The following SYT16 variants were observed in gnomAD, a reference collection of about 807,000 sequenced individuals.
SYT16 encodes synaptotagmin 16.
A neutral mutation model predicts 61.4 loss-of-function variants in SYT16; 42 were observed. The observed-to-expected ratio is 0.68, with a 90% CI of 0.53 to 0.89. The LOEUF (loss-of-function observed/expected upper bound fraction) is 0.89, where lower values mean the gene tolerates loss of function less well. SYT16 is among the 40% of genes least tolerant of loss of function. SYT16 has a pLI of 0.00. For synonymous variants in SYT16, 314 were observed against 302.3 expected (o/e 1.04, Z -0.40); for missense variants, 804 against 807.3 (o/e 1.00, Z 0.05).
intron 2 of SYT16, among the ~76,000 whole-genome samples, chr14:61,982,012 A>G (rs1211935635): frequency 5.3e-5 from 8 of 152,206 alleles, no homozygotes; most frequent in African/African-American, 1.9e-4. Context: ...CAAAAGCTGC[A>G]GAAGATTTCC....
chr14:61,916,846 G>A (rs1261912467), intron 1 of SYT16, among the ~76,000 whole-genome samples: 3 of 151,878 alleles, frequency 2.0e-5, no homozygotes, highest in African/African-American at 7.3e-5. Flanking sequence ...TGAGATATTT[G>A]TCTTTCTTTG....
chr14:61,915,704 C>A (rs943007477), intron 1 of SYT16, among the ~76,000 whole-genome samples: 4 of 152,176 alleles, frequency 2.6e-5, no homozygotes, highest in Non-Finnish European at 4.4e-5. Flanking sequence ...AAGTTCACTG[C>A]TGGGAAAATT....
At chr14:62,026,743 G>A (rs2054117772) in intron 3 of SYT16, among the ~76,000 whole-genome samples, 1 of 152,128 alleles carries the variant, frequency 6.6e-6, no homozygotes, top group Non-Finnish European at 1.5e-5. Flanking sequence ...CATGTAGAAG[G>A]TACTCAGAGA....
At chr14:61,845,392 A>G (rs781721953) in intron 1 of SYT16, among the ~76,000 whole-genome samples, 1 of 152,066 alleles carries the variant, frequency 6.6e-6, no homozygotes, top group Non-Finnish European at 1.5e-5. Flanking sequence ...TTGTCTGTTC[A>G]GGTTTTGGAT....
intron 1 of SYT16, among the ~76,000 whole-genome samples, chr14:61,896,864 A>C (rs1425052337): frequency 6.6e-6 from 1 of 152,234 alleles, no homozygotes; most frequent in Non-Finnish European, 1.5e-5. Context: ...AAACTCAAAA[A>C]GAAATGGTTA....
intron 3 of SYT16, among the ~76,000 whole-genome samples, chr14:62,057,114 G>A (rs371039428): frequency 3.9e-5 from 6 of 152,196 alleles, no homozygotes; most frequent in Non-Finnish European, 7.3e-5. Context: ...TTCTGGCCAT[G>A]GTGAAAGCTG....
At chr14:61,927,044 A>G (rs1426027356) in intron 1 of SYT16, among the ~76,000 whole-genome samples, 1 of 152,250 alleles carries the variant, frequency 6.6e-6, no homozygotes, top group Non-Finnish European at 1.5e-5. Context: ...AAAATCTGTT[A>G]CAACTCAGCA....
At chr14:61,909,187 G>A (rs905090587) in intron 1 of SYT16, among the ~76,000 whole-genome samples, 1 of 152,092 alleles carries the variant, frequency 6.6e-6, no homozygotes, top group African/African-American at 2.4e-5. Flanking sequence ...GGATTTTCAA[G>A]GTGCTTTGGA....
At chr14:61,849,537 A>G (rs2046547635) in intron 1 of SYT16, among the ~76,000 whole-genome samples, 1 of 152,164 alleles carries the variant, frequency 6.6e-6, no homozygotes, top group Non-Finnish European at 1.5e-5. Flanking sequence ...GGGCTCATCT[A>G]AATGCTCCAT....
chr14:61,989,618 G>A (rs190673525), intron 2 of SYT16, among the ~76,000 whole-genome samples: 1 of 152,260 alleles, frequency 6.6e-6, no homozygotes, highest in East Asian at 1.9e-4. Context: ...TTTCCATGGT[G>A]AGTTGCAAGA....
intron 7 of SYT16, among the ~76,000 whole-genome samples, chr14:62,093,734 G>A (rs367880552): frequency 6.6e-6 from 1 of 152,090 alleles, no homozygotes; most frequent in African/African-American, 2.4e-5. Context: ...AAAAAATTAC[G>A]ATTATCTCAA....
At chr14:61,855,580 C>G (rs2046748010) in intron 1 of SYT16, among the ~76,000 whole-genome samples, 1 of 152,122 alleles carries the variant, frequency 6.6e-6, no homozygotes, top group Admixed American at 6.5e-5. Flanking sequence ...TGTGGGTACT[C>G]AAAGTATGGT....
rs957576803 is a variant in SYT16, at chr14:62,006,196, G to A, written c.523+9654G>A. On this transcript the variant is annotated intron_variant, in intron 3 of 7. Transcript: ENST00000683842. ...AAACAGCTGTTTTTTGTTTTGTTTTGTTTTTGTTTTTGATTTTACTGATGG... is the reference window on the plus strand; with the variant it reads ...AAACAGCTGTTTTTTGTTTTGTTTTATTTTTGTTTTTGATTTTACTGATGG... Among the ~76,000 whole-genome samples the A allele has an allele frequency of 1.2e-4, 19 of 152,010 alleles. No homozygotes were observed. The East Asian group carries it at 3.5e-3, about 28-fold the overall frequency.
chr14:61,817,071 TG>T (rs1320082498), intron 1 of SYT16, among the ~76,000 whole-genome samples: 1 of 147,136 alleles, frequency 6.8e-6, no homozygotes, highest in Non-Finnish European at 1.5e-5. Context: ...AATTGGAAAA[TG>T]GGGGGAAAAC....
At chr14:62,086,855 A>T (rs1334447707) in intron 7 of SYT16, among the ~76,000 whole-genome samples, 1 of 152,224 alleles carries the variant, frequency 6.6e-6, no homozygotes, top group Non-Finnish European at 1.5e-5. Context: ...TATCTTTGCA[A>T]CCCATGGAAT....
chr14:62,008,210 CA>C (rs2053302884), intron 3 of SYT16, among the ~76,000 whole-genome samples: 1 of 151,896 alleles, frequency 6.6e-6, no homozygotes, highest in Admixed American at 6.6e-5. Flanking sequence ...ACCCTCTTCC[CA>C]TATCTGCCCC....
At chr14:61,864,393 A>C (rs1487016899) in intron 1 of SYT16, among the ~76,000 whole-genome samples, 1 of 152,242 alleles carries the variant, frequency 6.6e-6, no homozygotes, top group East Asian at 1.9e-4. Context: ...TCTGCGCTCT[A>C]GCCGGCAGTT....
chr14:61,878,745 G>A (rs1025420046), intron 1 of SYT16, among the ~76,000 whole-genome samples: 5 of 152,052 alleles, frequency 3.3e-5, no homozygotes, highest in African/African-American at 1.2e-4. Flanking sequence ...TCCCTCTTCT[G>A]CTGTGGACTA....
At chr14:61,881,282 G>A (rs1226232951) in intron 1 of SYT16, among the ~76,000 whole-genome samples, 1 of 152,050 alleles carries the variant, frequency 6.6e-6, no homozygotes, top group Non-Finnish European at 1.5e-5. Flanking sequence ...TCCCTTTCTA[G>A]CCAGTGCTCC....
Sources: gnomAD v4.1 joint callset for allele counts (sites outside exome capture counted in the v4.1 genomes callset) on GRCh38, gnomAD v4.1.1 for gene constraint, MANE v1.5 for transcripts, NCBI Gene and HGNC (gene_info 2026-07-23, HGNC 2026-07-21) for gene names.